The following SI variants were observed in gnomAD, a reference collection of about 807,000 sequenced individuals.
The protein encoded by SI is sucrase-isomaltase, intestinal.
A neutral mutation model predicts 253.3 loss-of-function variants in SI; 235 were observed. The ratio of observed to expected loss-of-function variants is 0.93; its 90% CI spans 0.83 to 1.03. SI has a LOEUF of 1.03. Ranked by LOEUF, SI falls within the 50% of genes least tolerant of loss-of-function variation. The pLI, the probability that SI is intolerant of heterozygous loss-of-function variation, is 0.00. For missense variants in SI, 2,442 were observed against 2,211.1 expected (o/e 1.10, Z -2.09); for synonymous variants, 819 against 712.0 (o/e 1.15, Z -2.39).
chr3:165,047,065 GTATT>G (rs771087611), intron 15 of SI, 53 bp from the exon 16 acceptor site: 12 of 1,376,882 alleles, frequency 8.7e-6, no homozygotes, highest in Non-Finnish European at 1.2e-5. Flanking sequence ...AATAAAGTTG[GTATT>G]TAAATTCTAA....
Position 165,067,372 on chromosome 3 carries a change from G to A in SI, c.603C>T (p.Ile201=), listed in dbSNP as rs1560016578. Residue 201 remains isoleucine, a synonymous_variant, in exon 6 of 48, where the codon ATC becomes ATT. Coordinates refer to ENST00000264382, the MANE Select transcript of SI (RefSeq NM_001041.4). Reference sequence around the variant, plus strand: ...TACCGTTGCTTTTCCTAATAACTTGGATGCTAAATGGGTTTTGGGCAACCT... The same window carrying A: ...TACCGTTGCTTTTCCTAATAACTTGAATGCTAAATGGGTTTTGGGCAACCT... ...DVKVAQNPFS[I]QVIRKSNGKT... is the part of the protein sequence containing the mutation. 6.2e-7 allele frequency: 1 copy of A among 1,611,208 alleles called. No individual in the cohort carries two copies. Among genetic ancestry groups the A allele is most frequent in the Non-Finnish European group, 8.5e-7 (1 of 1,178,148 alleles).
Position 165,015,527 on chromosome 3 carries a change from A to G in SI, c.3889-294T>C, listed in dbSNP as rs762668860. ...TATCTGGCTAACTAGCTTACTTCCTATAAGATAGTGATAAAAAATTATCTT... is the reference window on the plus strand; with the variant it reads ...TATCTGGCTAACTAGCTTACTTCCTGTAAGATAGTGATAAAAAATTATCTT... On this transcript the variant is annotated intron_variant, in intron 32 of 47. Transcript: ENST00000264382. 4.8e-4 allele frequency among the ~76,000 whole-genome samples: 73 copies of G among 152,232 alleles called. No homozygotes were observed. In the Middle Eastern group the frequency reaches 0.014, roughly 28 times the overall value.
chr3:164,983,053 T>C lies in SI; in HGVS notation c.5198-2A>G. ...AATATAGGTCTCTTTCATAGGTGTCTGTAGAGAGAGAAAAAAAATGTGATA... is the reference window on the plus strand; with the variant it reads ...AATATAGGTCTCTTTCATAGGTGTCCGTAGAGAGAGAAAAAAAATGTGATA... On this transcript the variant is annotated splice_acceptor_variant, in intron 45 of 47. Transcript: ENST00000264382. LOFTEE classifies it high-confidence loss of function. 3 of 1,543,846 alleles carry C rather than the reference T, an allele frequency of 1.9e-6. No individual in the cohort carries two copies. Among genetic ancestry groups the C allele is most frequent in the Non-Finnish European group, 2.7e-6 (3 of 1,124,510 alleles).
At chr3:165,071,116 G>GGT (rs1714549722) in intron 3 of SI, among the ~76,000 whole-genome samples, 1 of 152,074 alleles carries the variant, frequency 6.6e-6, no homozygotes, top group East Asian at 1.9e-4. Context: ...TTAACTAATT[G>GGT]CTTCTGGAAA....
chr3:165,053,552 A>T (rs939673926), intron 13 of SI, among the ~76,000 whole-genome samples: 20 of 152,164 alleles, frequency 1.3e-4, no homozygotes, highest in Non-Finnish European at 2.9e-5. Context: ...CTTTGAAATT[A>T]TACTGCTTCT....
At chr3:165,020,505 G>C (rs913583261) in intron 27 of SI, among the ~76,000 whole-genome samples, 8 of 151,392 alleles carry the variant, frequency 5.3e-5, no homozygotes, top group African/African-American at 1.9e-4. Context: ...CTTGCACCAG[G>C]ATATTTTTAT....
chr3:165,055,173 T>C (rs1224437451), intron 13 of SI, 21 bp downstream of exon 13: 9 of 1,401,544 alleles, frequency 6.4e-6, no homozygotes, highest in South Asian at 5.8e-5. Context: ...CCAAAACCAT[T>C]GGTTTAAAAT....
At chr3:165,030,975 T>G in intron 24 of SI, 108 bp from the exon 25 acceptor site, 1 of 1,417,186 alleles carries the variant, frequency 7.1e-7, no homozygotes, top group South Asian at 1.4e-5. Context: ...ACATTTTACA[T>G]TTCACAAAAT....
intron 45 of SI, among the ~76,000 whole-genome samples, chr3:164,985,703 G>A (rs1017287507): frequency 6.6e-6 from 1 of 152,104 alleles, no homozygotes; most frequent in Admixed American, 6.6e-5. Flanking sequence ...ATTAAAGTTT[G>A]TGTCAACAAA....
At chr3:165,040,837 C>G in intron 18 of SI, 103 bp downstream of exon 18, 4 of 899,512 alleles carry the variant, frequency 4.4e-6, no homozygotes, top group Non-Finnish European at 7.2e-6. Context: ...AAACAAGCAG[C>G]AGAAGTTTAA....
intron 46 of SI, among the ~76,000 whole-genome samples, chr3:164,982,642 GA>G (rs771588768): frequency 1.3e-5 from 2 of 152,120 alleles, no homozygotes; most frequent in East Asian, 1.9e-4. Context: ...CCCAGGCTCA[GA>G]AAGTTTGGAT....
rs780716573 is a variant in SI at position 165,065,294 on chromosome 3, C to T, written c.774G>A (p.Trp258Ter). 1.2e-6 allele frequency: 2 copies of T among 1,607,014 alleles called. No homozygotes were observed. The highest frequency in any genetic ancestry group is 8.5e-7 in the Non-Finnish European group (1 of 1,175,636). ...GAAGTTGGTCTCGAGTAAAAATTGG[C>T]CATGTTTTCCAGGATAAATCATGAC... The part of the protein sequence containing the change: ...RFRHDLSWKT[W>*]PIFTRDQLPG... Residue 258 changes from tryptophan to a stop codon, truncating the protein, a stop_gained, in exon 7 of 48, where the codon TGG becomes TGA. Coordinates refer to ENST00000264382, the MANE Select transcript of SI (RefSeq NM_001041.4). LOFTEE classifies it high-confidence loss of function.
chr3:165,001,374 A>G (rs1222375952), intron 37 of SI, among the ~76,000 whole-genome samples: 2 of 151,490 alleles, frequency 1.3e-5, no homozygotes, highest in Non-Finnish European at 3.0e-5. Flanking sequence ...TATATTTAGT[A>G]TTTGTTAGAA....
chr3:165,059,343 G>A (rs1302585314), intron 10 of SI, 44 bp from the exon 11 acceptor site: 1 of 1,584,740 alleles, frequency 6.3e-7, no homozygotes, highest in Admixed American at 1.7e-5. Context: ...TACTGAAAGA[G>A]CTCTCTAATC....
chr3:165,079,475 G>T (rs1348331621), upstream of SI, among the ~76,000 whole-genome samples: 1 of 151,548 alleles, frequency 6.6e-6, no homozygotes, highest in Non-Finnish European at 1.5e-5. Context: ...TTTAAAAAAA[G>T]TATGCATGGA....
At chr3:165,080,611 A>T (rs1039477173), upstream of SI, among the ~76,000 whole-genome samples, 22 of 152,010 alleles carry the variant, frequency 1.4e-4, no homozygotes, top group Non-Finnish European at 2.2e-4. Context: ...AGGGACATGG[A>T]TGAAGCTGGA....
upstream of SI, among the ~76,000 whole-genome samples, chr3:165,081,364 T>C (rs1045981852): frequency 2.6e-5 from 4 of 151,952 alleles, no homozygotes; most frequent in African/African-American, 9.7e-5. Context: ...TAACTGGTGA[T>C]TGACACCTAG....
Position 165,006,447 on chromosome 3 carries a change from T to A in SI, c.4406+369A>T, listed in dbSNP as rs142574588. ...CAAATAACAGATTTCGCCAAATGTT[T>A]GATGCTTTATGTCTTAATGATATCA... On this transcript the variant is annotated intron_variant, in intron 37 of 47. Transcript: ENST00000264382. Among the ~76,000 whole-genome samples, 404 of 152,304 alleles carry A rather than the reference T, an allele frequency of 2.7e-3. 3 individuals carry two copies. Among genetic ancestry groups the A allele is most frequent in the African/African-American group, 9.3e-3 (385 of 41,566 alleles).
intron 31 of SI, among the ~76,000 whole-genome samples, chr3:165,016,939 A>G (rs999856964): frequency 4.0e-5 from 6 of 151,658 alleles, no homozygotes; most frequent in Admixed American, 4.0e-4. Flanking sequence ...GGTTTTTCTG[A>G]TTTTTCTTAG....
Sources: allele counts gnomAD v4.1 joint callset (sites outside exome capture counted in the v4.1 genomes callset), GRCh38; gene constraint gnomAD v4.1.1; transcripts MANE v1.5; gene names NCBI Gene and HGNC (gene_info 2026-07-23, HGNC 2026-07-21).